EHD2: variants seen among roughly 807,000 people sequenced by gnomAD.
EHD2 encodes EH domain-containing protein 2.
EHD2 carries 27 observed loss-of-function variants against 41.0 expected under a neutral mutation model. The observed-to-expected ratio is 0.66, with a 90% CI of 0.49 to 0.91. The LOEUF (loss-of-function observed/expected upper bound fraction) is 0.91. Among genes scored for constraint, EHD2 ranks in the 40% least tolerant of loss-of-function variants. EHD2 has a pLI of 0.00. For synonymous variants in EHD2, 342 were observed against 341.0 expected (o/e 1.00, Z -0.03); for missense variants, 673 against 773.9 (o/e 0.87, Z 1.55).
intron 3 of EHD2, among the ~76,000 whole-genome samples, chr19:47,723,183 C>T (rs2123642332): frequency 6.6e-6 from 1 of 152,282 alleles, no homozygotes; most frequent in Admixed American, 6.5e-5. Context: ...AGGTCTGTGT[C>T]CCCAGTGGGC....
chr19:47,741,708 T>G lies in EHD2; in HGVS notation c.*276T>G, dbSNP rs1378826328. The G allele has an allele frequency of 1.6e-6, 1 of 625,290 alleles. No homozygotes were observed. Among genetic ancestry groups the G allele is most frequent in the Non-Finnish European group, 2.9e-6 (1 of 346,040 alleles). 38.7% of individuals were successfully genotyped at this position (625,290 alleles called of 1,614,324 possible). A position where few individuals can be genotyped will look rare whatever the true frequency, so the allele number is the denominator to read the frequency against. ...GCACACGCAGGCATCCATCCATCCG[T>G]CATTCATTCAAATATTTATTGAGCA... On this transcript the variant is annotated 3_prime_UTR_variant, in exon 6 of 6. Transcript: ENST00000263277. The surrounding 1 kb of genome is among the most constrained non-coding windows in gnomAD (Gnocchi z 4.5).
At chr19:47,715,156 T>C (rs764603816) in intron 1 of EHD2, among the ~76,000 whole-genome samples, 1 of 152,160 alleles carries the variant, frequency 6.6e-6, no homozygotes, top group Non-Finnish European at 1.5e-5. Context: ...AGTGAGTTAG[T>C]ACAGTACCTG....
chr19:47,714,338 G>A (rs746513996), intron 1 of EHD2, among the ~76,000 whole-genome samples: 5 of 152,034 alleles, frequency 3.3e-5, no homozygotes, highest in African/African-American at 4.8e-5. Context: ...AGTGGGGAAT[G>A]GTATTTAGAG....
At chr19:47,739,333 G>C (rs1203955786) in intron 5 of EHD2, among the ~76,000 whole-genome samples, 1 of 142,352 alleles carries the variant, frequency 7.0e-6, no homozygotes, top group Non-Finnish European at 1.5e-5. Context: ...AGGTGCAGTG[G>C]CTCATGCCTG....
At position 47,725,789 on chromosome 19, in the gene EHD2, CT is replaced by C. The variant is rs763536721; in HGVS notation, c.503-22del. On this transcript the variant is annotated intron_variant, in intron 3 of 5. Transcript: ENST00000263277. ...GGTCTGATTTCTGCCCCTTGCGCCC[CT>C]GTCTCTCCACTCCCACTCCAGGCTA... 17 of 1,557,250 alleles carry C rather than the reference CT, an allele frequency of 1.1e-5. No homozygotes were observed. The Admixed American group carries it at 3.1e-4, about 28-fold the overall frequency.
At chr19:47,730,789 G>A (rs919123208) in intron 4 of EHD2, among the ~76,000 whole-genome samples, 1 of 152,070 alleles carries the variant, frequency 6.6e-6, no homozygotes, top group Non-Finnish European at 1.5e-5. Flanking sequence ...TTCTATAGAC[G>A]CCAAGATGCC....
chr19:47,725,678 A>G, intron 3 of EHD2, 134 bp from the exon 4 acceptor site: 2 of 1,217,240 alleles, frequency 1.6e-6, no homozygotes, highest in Non-Finnish European at 2.2e-6. Flanking sequence ...TTGCCCAGAC[A>G]GGATTTGGAC....
chr19:47,718,403 TA>T, intron 2 of EHD2, 105 bp from the exon 3 acceptor site: 1 of 929,142 alleles, frequency 1.1e-6, no homozygotes, highest in Non-Finnish European at 1.6e-6. Flanking sequence ...TCTTCGCCCA[TA>T]AAGGATGCTT....
In EHD2 at chr19:47,725,877, G is replaced by T; in HGVS notation, c.568G>T (p.Asp190Tyr). The change falls in exon 4 of 6, where the codon GAT (aspartate) becomes TAT (tyrosine). Residue 190 changes from aspartate to tyrosine, a missense_variant. Transcript: ENST00000263277. ...ERVDLIILLF[D>Y]AHKLEISDEF... ...CGTGGACCTCATCATCCTGCTCTTT[G>T]ATGCGCACAAGCTGGAGATCTCGGA... is the stretch of plus-strand genomic sequence containing the variant. The T allele has an allele frequency of 6.2e-7, 1 of 1,613,312 alleles. No homozygotes were observed. Among genetic ancestry groups the T allele is most frequent in the South Asian group, 1.1e-5 (1 of 91,066 alleles).
At chr19:47,722,652 G>A (rs999161412) in intron 3 of EHD2, among the ~76,000 whole-genome samples, 5 of 151,172 alleles carry the variant, frequency 3.3e-5, no homozygotes, top group Admixed American at 2.6e-4. Flanking sequence ...TGCAACCTCC[G>A]CCTCCTGGGT....
At chr19:47,714,477 A>C (rs976394971) in intron 1 of EHD2, among the ~76,000 whole-genome samples, 3 of 152,192 alleles carry the variant, frequency 2.0e-5, no homozygotes, top group Non-Finnish European at 2.9e-5. Flanking sequence ...GATATCGGGA[A>C]TGAAAGAGGG....
intron 5 of EHD2, among the ~76,000 whole-genome samples, chr19:47,739,004 C>T (rs1966954203): frequency 6.6e-6 from 1 of 152,122 alleles, no homozygotes; most frequent in South Asian, 2.1e-4. Flanking sequence ...ATCTCACCTC[C>T]AAATTTGGCA....
chr19:47,721,791 C>A (rs1973699244), intron 3 of EHD2, among the ~76,000 whole-genome samples: 2 of 151,892 alleles, frequency 1.3e-5, no homozygotes, highest in South Asian at 4.2e-4. Flanking sequence ...TCGAGACCAG[C>A]CTGGGCAACA....
chr19:47,716,819 G>C lies in EHD2; in HGVS notation c.207G>C (p.Thr69=). 1 of 1,609,740 alleles carries C rather than the reference G, an allele frequency of 6.2e-7. No homozygotes were observed. Among genetic ancestry groups the C allele is most frequent in the Non-Finnish European group, 8.5e-7 (1 of 1,177,818 alleles). Residue 69 remains threonine (T), a synonymous_variant, in exon 2 of 6, where the codon ACG becomes ACC. Coordinates refer to ENST00000263277, the MANE Select transcript of EHD2 (RefSeq NM_014601.4). The part of the protein sequence containing the change: ...PMVLVAGQYS[T]GKTSFIQYLL... ...TGCTGGTGGCCGGCCAGTACAGCAC[G>C]GGCAAGACCAGCTTCATCCAGTACC...
At chr19:47,725,733 G>C in intron 3 of EHD2, 79 bp from the exon 4 acceptor site, 1 of 1,493,952 alleles carries the variant, frequency 6.7e-7, no homozygotes, top group Non-Finnish European at 9.0e-7. Context: ...GCAAGAGAAT[G>C]GGATACTACT....
intron 1 of EHD2, among the ~76,000 whole-genome samples, chr19:47,715,024 T>C (rs112380539): frequency 0.15 from 22,317 of 148,128 alleles, 2,102 homozygotes; most frequent in African/African-American, 0.28. Context: ...GGCTACAGAG[T>C]GAGACTCCAT....
At position 47,741,698 on chromosome 19, in the gene EHD2, C is replaced by A; in HGVS notation, c.*266C>A. 1 of 632,058 alleles carries A rather than the reference C, an allele frequency of 1.6e-6. No homozygotes were observed. Among genetic ancestry groups the A allele is most frequent in the Non-Finnish European group, 2.8e-6 (1 of 351,722 alleles). 39.2% of individuals were successfully genotyped at this position (632,058 alleles called of 1,614,324 possible). A position where few individuals can be genotyped will look rare whatever the true frequency, so the allele number is the denominator to read the frequency against. ...ACACACACTGGCACACGCAGGCATCCATCCATCCGTCATTCATTCAAATAT... is the reference window on the plus strand; with the variant it reads ...ACACACACTGGCACACGCAGGCATCAATCCATCCGTCATTCATTCAAATAT... On this transcript the variant is annotated 3_prime_UTR_variant, in exon 6 of 6. Transcript: ENST00000263277. This position sits in a 1 kb window ranked among gnomAD's most constrained non-coding sequence, Gnocchi z 4.5.
chr19:47,718,412 C>A, intron 2 of EHD2, 97 bp from the exon 3 acceptor site: 3 of 1,049,026 alleles, frequency 2.9e-6, no homozygotes, highest in African/African-American at 1.6e-5. Context: ...ATAAAGGATG[C>A]TTTGCCATGC....
intron 3 of EHD2, 51 bp from the exon 4 acceptor site, chr19:47,725,761 G>A (rs769833491): frequency 1.4e-5 from 21 of 1,534,344 alleles, no homozygotes; most frequent in Non-Finnish European, 1.8e-5. Flanking sequence ...GCTGGAGGGT[G>A]GGGGTCTGAT....
Sources: allele counts gnomAD v4.1 joint callset (sites outside exome capture counted in the v4.1 genomes callset), GRCh38; gene constraint gnomAD v4.1.1; non-coding constraint Gnocchi (gnomAD v3.1); transcripts MANE v1.5; gene names NCBI Gene and HGNC (gene_info 2026-07-23, HGNC 2026-07-21).